The following ADAMTSL3 variants were observed in gnomAD, a reference collection of about 807,000 sequenced individuals.
ADAMTSL3 encodes the protein ADAMTS like 3, also known as ADAMTS-like protein 3.
ADAMTSL3 carries 128 observed loss-of-function variants against 201.7 expected under a neutral mutation model. The ratio of observed to expected loss-of-function variants is 0.63; its 90% CI spans 0.55 to 0.73. The LOEUF is 0.73. Among genes scored for constraint, ADAMTSL3 ranks in the 30% least tolerant of loss-of-function variants. The pLI, the probability that ADAMTSL3 is intolerant of heterozygous loss-of-function variation, is 0.00. For missense variants in ADAMTSL3, 1,990 were observed against 2,119.6 expected (o/e 0.94, Z 1.20); for synonymous variants, 738 against 748.4 (o/e 0.99, Z 0.23).
intron 25 of ADAMTSL3, 107 bp from the exon 26 acceptor site, chr15:84,021,302 TA>T: frequency 8.3e-7 from 1 of 1,198,120 alleles, no homozygotes; most frequent in African/African-American, 1.5e-5. Flanking sequence ...CTCCATATGC[TA>T]CTTAAAGAAC....
intron 16 of ADAMTSL3, among the ~76,000 whole-genome samples, chr15:83,920,352 G>A (rs942724847): frequency 4.6e-5 from 7 of 152,154 alleles, no homozygotes; most frequent in African/African-American, 1.7e-4. Flanking sequence ...TCAGGCTCCA[G>A]TGGTTTATGA....
At chr15:83,804,272 G>A (rs759057444) in intron 4 of ADAMTSL3, among the ~76,000 whole-genome samples, 4 of 152,162 alleles carry the variant, frequency 2.6e-5, no homozygotes, top group Admixed American at 2.6e-4. Context: ...TAGTGGAGAC[G>A]TGCTACACAA....
intron 19 of ADAMTSL3, among the ~76,000 whole-genome samples, chr15:83,954,159 A>C (rs1306824726): frequency 6.6e-6 from 1 of 151,888 alleles, no homozygotes; most frequent in Non-Finnish European, 1.5e-5. Context: ...AAGACTAATA[A>C]CTCTTAGATT....
chr15:83,675,626 A>G (rs113582350), intron 2 of ADAMTSL3, among the ~76,000 whole-genome samples: 7 of 140,128 alleles, frequency 5.0e-5, no homozygotes, highest in African/African-American at 1.9e-4. Context: ...TGGTTTTAGT[A>G]CTATCTTCAT....
At chr15:83,880,691 G>A (rs1353632392) in intron 9 of ADAMTSL3, among the ~76,000 whole-genome samples, 1 of 152,040 alleles carries the variant, frequency 6.6e-6, no homozygotes, top group African/African-American at 2.4e-5. Context: ...TTTTAATCTT[G>A]TTCCAAGTTC....
At chr15:83,690,982 AG>A (rs1055424636) in intron 2 of ADAMTSL3, among the ~76,000 whole-genome samples, 7 of 152,188 alleles carry the variant, frequency 4.6e-5, no homozygotes, top group African/African-American at 1.7e-4. Context: ...GAAATAAGCT[AG>A]GGTTCAATGT....
At chr15:83,974,715 A>G (rs938247804) in intron 20 of ADAMTSL3, among the ~76,000 whole-genome samples, 1 of 152,248 alleles carries the variant, frequency 6.6e-6, no homozygotes, top group Non-Finnish European at 1.5e-5. Flanking sequence ...TTGGTTTCCA[A>G]TCAGGCATCT....
At chr15:83,668,259 G>A (rs1236665912) in intron 2 of ADAMTSL3, among the ~76,000 whole-genome samples, 1 of 151,382 alleles carries the variant, frequency 6.6e-6, no homozygotes, top group Non-Finnish European at 1.5e-5. Flanking sequence ...AAAGAGAACA[G>A]AAAATATTCA....
At chr15:83,902,730 A>G (rs889387401) in intron 15 of ADAMTSL3, among the ~76,000 whole-genome samples, 4 of 152,036 alleles carry the variant, frequency 2.6e-5, no homozygotes, top group African/African-American at 9.6e-5. Flanking sequence ...CTTGAGTGGG[A>G]TGCTCCAGCC....
In ADAMTSL3 at chr15:83,890,240, C is replaced by T; in HGVS notation, c.1204C>T (p.Pro402Ser). The T allele has an allele frequency of 6.2e-7, 1 of 1,613,472 alleles. No individual in the cohort carries two copies. The highest frequency in any genetic ancestry group is 8.5e-7 in the Non-Finnish European group (1 of 1,179,692). The change falls in exon 11 of 30, where the codon CCA becomes TCA. Residue 402 changes from proline to serine, a missense_variant. Coordinates refer to ENST00000286744, the MANE Select transcript of ADAMTSL3 (RefSeq NM_207517.3). Reference protein sequence around the residue: ...KLKECSMDPCPSSDGFKEIMP... With the variant: ...KLKECSMDPCSSSDGFKEIMP... The stretch of plus-strand genomic sequence containing the variant: ...GAAGGAATGCAGCATGGATCCCTGC[C>T]CATCAAGGTTTGTGTCATTGTCCAC...
chr15:83,809,489 G>A (rs900118948), intron 5 of ADAMTSL3, among the ~76,000 whole-genome samples: 30 of 152,174 alleles, frequency 2.0e-4, no homozygotes, highest in African/African-American at 6.8e-4. Flanking sequence ...AAACTCCCTT[G>A]CAGTCCCTGC....
At chr15:83,765,230 C>T (rs1394106744) in intron 3 of ADAMTSL3, among the ~76,000 whole-genome samples, 5 of 152,168 alleles carry the variant, frequency 3.3e-5, no homozygotes, top group African/African-American at 1.2e-4. Flanking sequence ...GCCGTTCACC[C>T]AATTCATATT....
chr15:83,714,310 GT>G (rs2061970163), intron 3 of ADAMTSL3, among the ~76,000 whole-genome samples: 1 of 152,028 alleles, frequency 6.6e-6, no homozygotes, highest in Non-Finnish European at 1.5e-5. Context: ...CCAAGGGCAA[GT>G]GGGGGCACAG....
At chr15:83,878,395 C>T (rs1459260694) in intron 9 of ADAMTSL3, among the ~76,000 whole-genome samples, 2 of 152,094 alleles carry the variant, frequency 1.3e-5, no homozygotes, top group Non-Finnish European at 2.9e-5. Flanking sequence ...GCAGGCGGAT[C>T]ACGAGGTCAG....
rs2061822705 is a variant in ADAMTSL3, at chr15:83,704,610, C to A, written c.189+102C>A. 1.3e-5 allele frequency: 19 copies of A among 1,483,728 alleles called. 2 individuals carry two copies. In the South Asian group the frequency reaches 2.5e-4, roughly 19 times the overall value. 91.9% of individuals were successfully genotyped at this position (1,483,728 alleles called of 1,614,324 possible). On this transcript the variant is annotated intron_variant, in intron 3 of 29. Transcript: ENST00000286744. ...CAAAGTAATTATATTTTCCTCTTTG[C>A]AATACAAGTACAACAGACCCTTGAC...
At chr15:83,796,657 G>A (rs529722579) in intron 4 of ADAMTSL3, among the ~76,000 whole-genome samples, 55 of 152,232 alleles carry the variant, frequency 3.6e-4, no homozygotes, top group African/African-American at 1.3e-3. Context: ...ACAAAATAGG[G>A]GACTTGCCTG....
Position 84,021,322 on chromosome 15 carries a change from A to G in ADAMTSL3, c.4274-88A>G, listed in dbSNP as rs547659829. On this transcript the variant is annotated intron_variant, in intron 25 of 29. Coordinates refer to ENST00000286744, the MANE Select transcript of ADAMTSL3 (RefSeq NM_207517.3). Reference sequence around the variant, plus strand: ...TATGCTACTTAAAGAACCAAAAAACATCTCATGGTGGTTTTTGGCCATGTC... The same window carrying G: ...TATGCTACTTAAAGAACCAAAAAACGTCTCATGGTGGTTTTTGGCCATGTC... 320 of 1,448,648 alleles carry G rather than the reference A, an allele frequency of 2.2e-4. 2 individuals are homozygous for G. In the African/African-American group the frequency reaches 4.1e-3, roughly 19 times the overall value. The allele number at this position is 1,448,648 out of a possible 1,614,324, so 89.7% of individuals were successfully genotyped here.
intron 15 of ADAMTSL3, among the ~76,000 whole-genome samples, chr15:83,901,875 C>T (rs2065731332): frequency 6.6e-6 from 1 of 152,182 alleles, no homozygotes; most frequent in Non-Finnish European, 1.5e-5. Context: ...AGGAAGGTCA[C>T]AGAGTCCTTT....
chr15:83,792,457 C>A (rs968826959), intron 4 of ADAMTSL3, among the ~76,000 whole-genome samples: 1 of 152,156 alleles, frequency 6.6e-6, no homozygotes, highest in African/African-American at 2.4e-5. Context: ...ATTGGTACAG[C>A]TACTATGAAA....
Sources: gnomAD v4.1 joint callset for allele counts (sites outside exome capture counted in the v4.1 genomes callset) on GRCh38, gnomAD v4.1.1 for gene constraint, MANE v1.5 for transcripts, NCBI Gene and HGNC (gene_info 2026-07-23, HGNC 2026-07-21) for gene names.